Variants in UBR3 observed in about 807,000 individuals in gnomAD.
UBR3 encodes the protein E3 ubiquitin-protein ligase UBR3.
Under a neutral mutation model 243.2 loss-of-function variants are expected in UBR3, and 85 were observed. The ratio of observed to expected loss-of-function variants is 0.35; its 90% confidence interval spans 0.29 to 0.42. The LOEUF is 0.42. Ranked by LOEUF, UBR3 falls within the 10% of genes least tolerant of loss-of-function variation. The pLI is 1.00. For missense variants in UBR3, 1,686 were observed against 2,300.8 expected (o/e 0.73, Z 5.47); for synonymous variants, 748 against 799.8 (o/e 0.94, Z 1.09).
At chr2:169,889,083 A>G (rs1010007527) in intron 5 of UBR3, among the ~76,000 whole-genome samples, 1 of 152,184 alleles carries the variant, frequency 6.6e-6, no homozygotes, top group South Asian at 2.1e-4. Context: ...TATTCTCACC[A>G]TTGGTATGTA....
rs1206520546 is a variant in UBR3 at position 170,012,513 on chromosome 2, A to G, written c.4368-2768A>G. On this transcript the variant is annotated intron_variant, in intron 29 of 38. Transcript: ENST00000272793. ...AATATAATTTGTTTTTAAAAATATC[A>G]TATAGAGAAAGCACTGTAGAACTTC... Among the ~76,000 whole-genome samples, 4 of 152,272 alleles carry G rather than the reference A, an allele frequency of 2.6e-5. No homozygotes were observed. The East Asian group carries it at 7.7e-4, about 29-fold the overall frequency.
chr2:170,036,912 G>A (rs957059236), intron 31 of UBR3, among the ~76,000 whole-genome samples: 1 of 152,082 alleles, frequency 6.6e-6, no homozygotes, highest in African/African-American at 2.4e-5. Context: ...GAATGCCCAT[G>A]TCTTCCAAGA....
intron 14 of UBR3, 81 bp downstream of exon 14, chr2:169,925,828 C>T (rs13016918): frequency 0.56 from 734,567 of 1,311,668 alleles, 211,914 homozygotes; most frequent in Non-Finnish European, 0.6. Context: ...GAGGTGACTG[C>T]GTGATGACAT....
intron 31 of UBR3, among the ~76,000 whole-genome samples, 188 bp from the exon 32 acceptor site, chr2:170,040,694 G>A (rs555449825): frequency 6.6e-6 from 1 of 152,034 alleles, no homozygotes; most frequent in East Asian, 1.9e-4. Context: ...TCATGTTAGA[G>A]TCAAGAGAAT....
At chr2:169,870,661 A>ATTG (rs1553499122) in intron 1 of UBR3, among the ~76,000 whole-genome samples, 2 of 148,752 alleles carry the variant, frequency 1.3e-5, no homozygotes, top group Admixed American at 6.7e-5. Flanking sequence ...TATTATTATT[A>ATTG]TTTTTTTTTT....
intron 1 of UBR3, among the ~76,000 whole-genome samples, chr2:169,856,457 T>G (rs1489774813): frequency 2.6e-5 from 4 of 152,176 alleles, no homozygotes; most frequent in African/African-American, 9.7e-5. Context: ...CTGCAATCTC[T>G]GCACTTTGGG....
chr2:169,842,868 AC>A (rs772536719), intron 1 of UBR3, among the ~76,000 whole-genome samples: 2 of 152,254 alleles, frequency 1.3e-5, no homozygotes, highest in Non-Finnish European at 2.9e-5. Flanking sequence ...GGACATGGGT[AC>A]AATTCAGCCA....
chr2:169,957,568 C>T (rs1574284397), intron 23 of UBR3, among the ~76,000 whole-genome samples: 3 of 94,770 alleles, frequency 3.2e-5, no homozygotes, highest in Admixed American at 3.2e-4. Context: ...GTCGTGGGGT[C>T]GGGGGAGGGG....
chr2:169,898,811 C>T (rs2084696088), intron 8 of UBR3, among the ~76,000 whole-genome samples: 1 of 151,598 alleles, frequency 6.6e-6, no homozygotes, highest in Admixed American at 6.6e-5. Context: ...ACGCCATTCT[C>T]CTGCCTCAGC....
chr2:169,871,964 TA>T (rs967524260), intron 1 of UBR3, among the ~76,000 whole-genome samples: 2 of 151,830 alleles, frequency 1.3e-5, no homozygotes, highest in African/African-American at 2.4e-5. Context: ...AAATTTCAGT[TA>T]AAAAAAAGTG....
At position 170,083,455 on chromosome 2, in the gene UBR3, G is replaced by C. The variant is rs1452660071; in HGVS notation, c.*1612G>C. 1 of 152,520 alleles carries C rather than the reference G, an allele frequency of 6.6e-6. No homozygotes were observed. Among genetic ancestry groups the C allele is most frequent in the Non-Finnish European group, 1.5e-5 (1 of 67,998 alleles). The allele number at this position is 152,520 out of a possible 1,614,324, so 9.4% of individuals were successfully genotyped here. A position where few individuals can be genotyped will look rare whatever the true frequency, so the allele number is the denominator to read the frequency against. On this transcript the variant is annotated 3_prime_UTR_variant, in exon 39 of 39. Coordinates refer to ENST00000272793, the MANE Select transcript of UBR3 (RefSeq NM_172070.4). ...AAATAGCTGTCCTTTCCAACACATTGCTACTTTTTTAAATACTGTATCATA... is the reference window on the plus strand; with the variant it reads ...AAATAGCTGTCCTTTCCAACACATTCCTACTTTTTTAAATACTGTATCATA...
At chr2:170,029,625 C>T (rs1249670015) in intron 31 of UBR3, among the ~76,000 whole-genome samples, 177 bp downstream of exon 31, 1 of 151,994 alleles carries the variant, frequency 6.6e-6, no homozygotes, top group Non-Finnish European at 1.5e-5. Flanking sequence ...GTAAAAATTG[C>T]ATACAAATTC....
intron 32 of UBR3, among the ~76,000 whole-genome samples, chr2:170,044,909 T>C (rs2091047291): frequency 6.6e-6 from 1 of 152,000 alleles, no homozygotes; most frequent in Non-Finnish European, 1.5e-5. Context: ...AAATTTACAA[T>C]TATTATCTCC....
intron 8 of UBR3, among the ~76,000 whole-genome samples, chr2:169,903,178 G>A (rs542230883): frequency 2.4e-4 from 36 of 152,264 alleles, no homozygotes; most frequent in African/African-American, 7.9e-4. Flanking sequence ...GAAAGTACCA[G>A]TTTGAGTAAA....
chr2:169,923,492 A>G (rs965706151), intron 11 of UBR3, among the ~76,000 whole-genome samples: 1 of 151,836 alleles, frequency 6.6e-6, no homozygotes, highest in Non-Finnish European at 1.5e-5. Flanking sequence ...AGTGCTTAGC[A>G]TGGTGACTGG....
chr2:169,853,740 G>A (rs868265637), intron 1 of UBR3, among the ~76,000 whole-genome samples: 1 of 151,544 alleles, frequency 6.6e-6, no homozygotes, highest in Non-Finnish European at 1.5e-5. Flanking sequence ...GTGAGCCATC[G>A]CCCCTGGCCC....
rs1470138489 is a variant in UBR3, at chr2:169,894,248, A to T, written c.1106-933A>T. 3.6e-5 allele frequency among the ~76,000 whole-genome samples: 5 copies of T among 138,920 alleles called. No individual in the cohort carries two copies. In the Admixed American group the frequency reaches 4.0e-4, roughly 11 times the overall value. 91.1% of individuals were successfully genotyped at this position (138,920 alleles called of 152,430 possible). A position where few individuals can be genotyped will look rare whatever the true frequency, so the allele number is the denominator to read the frequency against. On this transcript the variant is annotated intron_variant, in intron 6 of 38. Transcript: ENST00000272793. ...TAAGGTGGGAGGATAACTTGAGCTG[A>T]GGAGTTTGAGGCTGCAGTGAGCTAT...
At chr2:170,071,666 A>T (rs12692939) in intron 35 of UBR3, among the ~76,000 whole-genome samples, 108,453 of 152,096 alleles carry the variant, frequency 0.71, 39,573 homozygotes, top group East Asian at 0.88. Context: ...AAATGGAAGA[A>T]TTGTAAATTT....
At chr2:169,873,564 T>G (rs1460689513) in intron 2 of UBR3, among the ~76,000 whole-genome samples, 1 of 152,016 alleles carries the variant, frequency 6.6e-6, no homozygotes, top group African/African-American at 2.4e-5. Flanking sequence ...TCCTAGCTAC[T>G]TGGGAGGCTG....
Sources: gnomAD v4.1 joint callset for allele counts (sites outside exome capture counted in the v4.1 genomes callset) on GRCh38, gnomAD v4.1.1 for gene constraint, MANE v1.5 for transcripts, NCBI Gene and HGNC (gene_info 2026-07-23, HGNC 2026-07-21) for gene names.